SMYD3: variants seen among roughly 807,000 people sequenced by gnomAD.
SMYD3 encodes the protein SET and MYND domain containing 3.
In SMYD3, 36 loss-of-function variants were observed where a neutral mutation model predicts 57.7. That is an observed-to-expected ratio of 0.62 (90% CI 0.48 to 0.82). SMYD3 has a LOEUF of 0.82. SMYD3 is among the 40% of genes least tolerant of loss of function. SMYD3 has a pLI of 0.00. For missense variants in SMYD3, 515 were observed against 538.8 expected, an observed-to-expected ratio of 0.96 and a Z score of 0.44; for synonymous variants, 211 against 195.0, an observed-to-expected ratio of 1.08 and a Z score of -0.68.
intron 5 of SMYD3, among the ~76,000 whole-genome samples, chr1:246,101,753 CT>C (rs925002328): frequency 6.6e-6 from 1 of 152,104 alleles, no homozygotes; most frequent in Non-Finnish European, 1.5e-5. Context: ...CCCTCTTTTT[CT>C]TTAACATCTT....
chr1:245,843,430 A>T (rs985175924), intron 10 of SMYD3, among the ~76,000 whole-genome samples: 4 of 152,202 alleles, frequency 2.6e-5, no homozygotes, highest in Admixed American at 2.6e-4. Context: ...ATCTAAGTTA[A>T]AAAAATAAAA....
intron 1 of SMYD3, 31 bp downstream of exon 1, chr1:246,507,014 CAGCTCGCGA>C: frequency 7.2e-7 from 1 of 1,392,180 alleles, no homozygotes. Context: ...GCACCCCACA[CAGCTCGCGA>C]CTCAGGTAGG....
At position 245,806,105 on chromosome 1, in the gene SMYD3, G is replaced by A. The variant is rs571831376; in HGVS notation, c.1077-41956C>T. ...TGGGAAGACAGTTATGAAGAAGACG[G>A]GGTCTTTCCAGTTGTTCAACTTTTT... On this transcript the variant is annotated intron_variant, in intron 10 of 11. Coordinates refer to ENST00000490107, the MANE Select transcript of SMYD3 (RefSeq NM_001167740.2). Among the ~76,000 whole-genome samples, 34 of 152,268 alleles carry A rather than the reference G, an allele frequency of 2.2e-4. 1 individual carries two copies. The South Asian group carries it at 6.2e-3, about 28-fold the overall frequency.
chr1:245,895,787 A>G (rs76497203), intron 8 of SMYD3, among the ~76,000 whole-genome samples: 3,284 of 152,320 alleles, frequency 0.022, 116 homozygotes, highest in African/African-American at 0.073. Flanking sequence ...GCACAAAGTC[A>G]TTTCTTTGTA....
At chr1:246,209,773 C>T (rs2063059280) in intron 5 of SMYD3, among the ~76,000 whole-genome samples, 1 of 152,120 alleles carries the variant, frequency 6.6e-6, no homozygotes, top group Admixed American at 6.5e-5. Flanking sequence ...TGGGGGGCTA[C>T]CCCTCCCCAC....
chr1:246,259,688 T>C (rs2063966684), intron 5 of SMYD3, among the ~76,000 whole-genome samples: 1 of 152,158 alleles, frequency 6.6e-6, no homozygotes, highest in Admixed American at 6.5e-5. Flanking sequence ...GGCTGATACA[T>C]AGAATGCATA....
chr1:245,807,094 G>A (rs1257815486), intron 10 of SMYD3, among the ~76,000 whole-genome samples: 1 of 151,922 alleles, frequency 6.6e-6, no homozygotes, highest in Admixed American at 6.6e-5. Flanking sequence ...CTCCTCCCAC[G>A]CAGCACCCAC....
intron 1 of SMYD3, among the ~76,000 whole-genome samples, chr1:246,374,049 G>A (rs1300474089): frequency 1.3e-5 from 2 of 152,100 alleles, no homozygotes; most frequent in Non-Finnish European, 2.9e-5. Context: ...CTCTTTCCTA[G>A]CATGAAGAAA....
At chr1:246,418,856 C>T (rs116744657) in intron 1 of SMYD3, among the ~76,000 whole-genome samples, 3,961 of 152,246 alleles carry the variant, frequency 0.026, 85 homozygotes, top group Non-Finnish European at 0.039. Context: ...GGTAAGCCAT[C>T]ATATCCCCCG....
chr1:246,117,470 T>C (rs1276526903), intron 5 of SMYD3, among the ~76,000 whole-genome samples: 2 of 152,236 alleles, frequency 1.3e-5, no homozygotes, highest in East Asian at 1.9e-4. Flanking sequence ...GGATGACTGA[T>C]TATCTCATTT....
intron 5 of SMYD3, among the ~76,000 whole-genome samples, chr1:245,991,463 T>C (rs1196320630): frequency 1.3e-5 from 2 of 151,984 alleles, no homozygotes; most frequent in Admixed American, 6.6e-5. Context: ...AATCCAGGAG[T>C]GTCTTAGCTG....
chr1:246,087,759 A>G (rs1282206181), intron 5 of SMYD3, among the ~76,000 whole-genome samples: 1 of 152,184 alleles, frequency 6.6e-6, no homozygotes, highest in Non-Finnish European at 1.5e-5. Context: ...CACTGCTGTC[A>G]TTACGGCTTT....
intron 1 of SMYD3, among the ~76,000 whole-genome samples, chr1:246,481,626 AC>A (rs2068107171): frequency 8.9e-6 from 1 of 111,888 alleles, no homozygotes; most frequent in Non-Finnish European, 1.7e-5. Flanking sequence ...ATATATACAT[AC>A]ATACATACAC....
At chr1:245,842,479 A>G (rs958328820) in intron 10 of SMYD3, among the ~76,000 whole-genome samples, 1 of 152,132 alleles carries the variant, frequency 6.6e-6, no homozygotes, top group Non-Finnish European at 1.5e-5. Flanking sequence ...TCCTGACAGA[A>G]CACACTCTGG....
intron 10 of SMYD3, among the ~76,000 whole-genome samples, chr1:245,841,825 A>G (rs2050417997): frequency 6.6e-6 from 1 of 152,196 alleles, no homozygotes; most frequent in African/African-American, 2.4e-5. Context: ...GACAGGAAAC[A>G]TCTTAATATT....
intron 5 of SMYD3, among the ~76,000 whole-genome samples, chr1:246,324,646 C>T (rs2065309634): frequency 6.6e-6 from 1 of 151,814 alleles, no homozygotes; most frequent in Non-Finnish European, 1.5e-5. Flanking sequence ...TGTTGACCCG[C>T]TTTCCACAGC....
At chr1:245,797,401 T>A (rs2047571796) in intron 10 of SMYD3, among the ~76,000 whole-genome samples, 1 of 148,588 alleles carries the variant, frequency 6.7e-6, no homozygotes, top group Non-Finnish European at 1.5e-5. Flanking sequence ...CTGGAAACCA[T>A]CATTCTCAAC....
rs188763580 is a variant in SMYD3, at chr1:245,870,906, G to A, written c.814-7020C>T. ...AGATGTGTTCACTTAGCTTGCAAGC[G>A]TTTGATGTTGAAACTCGTATGCTGG... is the stretch of plus-strand genomic sequence containing the variant. On this transcript the variant is annotated intron_variant, in intron 8 of 11. Coordinates refer to ENST00000490107, the MANE Select transcript of SMYD3 (RefSeq NM_001167740.2). Among the ~76,000 whole-genome samples, 187 of 152,218 alleles carry A rather than the reference G, an allele frequency of 1.2e-3. 2 individuals are homozygous for A. Among genetic ancestry groups the A allele is most frequent in the African/African-American group, 4.2e-3 (173 of 41,554 alleles).
intron 5 of SMYD3, among the ~76,000 whole-genome samples, chr1:246,238,157 G>A (rs1028091692): frequency 3.9e-5 from 6 of 151,978 alleles, no homozygotes; most frequent in South Asian, 4.2e-4. Flanking sequence ...TCAACCTCCC[G>A]GGCTCAAGCA....
Sources: allele counts gnomAD v4.1 joint callset (sites outside exome capture counted in the v4.1 genomes callset), GRCh38; gene constraint gnomAD v4.1.1; transcripts MANE v1.5; gene names NCBI Gene and HGNC (gene_info 2026-07-23, HGNC 2026-07-21).